HTR7: variants seen among roughly 807,000 people sequenced by gnomAD.
HTR7 encodes 5-hydroxytryptamine receptor 7, also known as 5-HT-7.
HTR7 carries 16 observed loss-of-function variants against 34.0 expected under a neutral mutation model. That is an observed-to-expected ratio of 0.47 (90% CI 0.32 to 0.71). HTR7 has a LOEUF of 0.71. HTR7 is among the 30% of genes least tolerant of loss of function. The pLI is 0.04. For missense variants in HTR7, 504 were observed against 625.5 expected, an observed-to-expected ratio of 0.81 and a Z score of 2.07; for synonymous variants, 265 against 260.2, an observed-to-expected ratio of 1.02 and a Z score of -0.18.
chr10:90,778,976 C>A (rs1387414488), intron 1 of HTR7, among the ~76,000 whole-genome samples: 4 of 152,144 alleles, frequency 2.6e-5, no homozygotes, highest in South Asian at 4.2e-4. Context: ...AGCTGGTGTA[C>A]CCCCATCAGG....
intron 1 of HTR7, among the ~76,000 whole-genome samples, chr10:90,790,761 T>C (rs1845449471): frequency 6.6e-6 from 1 of 152,146 alleles, no homozygotes; most frequent in South Asian, 2.1e-4. Flanking sequence ...CTGCCATTTG[T>C]AACTACTCAT....
chr10:90,742,543 G>A lies in HTR7; in HGVS notation c.1394-15C>T, dbSNP rs1304921810. The A allele has an allele frequency of 6.5e-7, 1 of 1,542,444 alleles. No individual in the cohort carries two copies. Among genetic ancestry groups the A allele is most frequent in the Non-Finnish European group, 8.9e-7 (1 of 1,128,032 alleles). On this transcript the variant is annotated splice_polypyrimidine_tract_variant and intron_variant, in intron 3 of 3. Coordinates refer to ENST00000336152, the MANE Select transcript of HTR7 (RefSeq NM_019859.4). ...CAGCATTTTGTCTAAAAAAAAGAGA[G>A]AGAAAAATAGAAAATAATTTAGTAG...
Position 90,749,640 on chromosome 10 carries a change from C to CT in HTR7, c.540-47dup. 1 of 1,547,428 alleles carries CT rather than the reference C, an allele frequency of 6.5e-7. No individual in the cohort carries two copies. Among genetic ancestry groups the CT allele is most frequent in the South Asian group, 1.2e-5 (1 of 80,566 alleles). On this transcript the variant is annotated intron_variant, in intron 1 of 3. Coordinates refer to ENST00000336152, the MANE Select transcript of HTR7 (RefSeq NM_019859.4). This position sits in a 1 kb window ranked among gnomAD's most constrained non-coding sequence, Gnocchi z 4.2. Reference sequence around the variant, plus strand: ...TAACAGATGAACACCGTGATCATAACTGGTCAACCAAGCAAGTCCTGCCAG... The same window carrying CT: ...TAACAGATGAACACCGTGATCATAACTTGGTCAACCAAGCAAGTCCTGCCAG...
chr10:90,750,589 T>G (rs1291243615), intron 1 of HTR7, among the ~76,000 whole-genome samples: 6 of 152,204 alleles, frequency 3.9e-5, no homozygotes, highest in Non-Finnish European at 5.9e-5. Flanking sequence ...TGTTGTTGTT[T>G]TTACTTCCTT....
At chr10:90,788,971 A>G (rs909803596) in intron 1 of HTR7, among the ~76,000 whole-genome samples, 6 of 152,060 alleles carry the variant, frequency 3.9e-5, no homozygotes, top group Non-Finnish European at 7.4e-5. Context: ...GGTCCTTCCT[A>G]TCTGCACCCC....
chr10:90,794,903 C>G (rs538759827), intron 1 of HTR7, among the ~76,000 whole-genome samples: 1 of 152,200 alleles, frequency 6.6e-6, no homozygotes, highest in African/African-American at 2.4e-5. Context: ...TGTGCTATGA[C>G]GTAAAGATGG....
intron 1 of HTR7, among the ~76,000 whole-genome samples, chr10:90,791,931 T>C (rs1002403846): frequency 1.3e-5 from 2 of 152,086 alleles, no homozygotes; most frequent in Non-Finnish European, 2.9e-5. Flanking sequence ...GTTTTCAGTA[T>C]ACTACAAAAA....
chr10:90,825,283 A>ATGAGT (rs1564695067), intron 1 of HTR7, among the ~76,000 whole-genome samples: 9 of 152,318 alleles, frequency 5.9e-5, no homozygotes, highest in African/African-American at 2.2e-4. Context: ...TTATACCTCT[A>ATGAGT]CAAGGCTGCC....
intron 1 of HTR7, among the ~76,000 whole-genome samples, chr10:90,828,158 A>C (rs1218044301): frequency 6.6e-6 from 1 of 152,236 alleles, no homozygotes; most frequent in Non-Finnish European, 1.5e-5. Context: ...AAATTTATCG[A>C]AACAAATGAT....
chr10:90,812,743 T>A (rs1320807764), intron 1 of HTR7, among the ~76,000 whole-genome samples: 1 of 151,770 alleles, frequency 6.6e-6, no homozygotes. Flanking sequence ...CCCCCAAAAA[T>A]TTTCGCCACC....
At chr10:90,803,349 C>A (rs376670095) in intron 1 of HTR7, among the ~76,000 whole-genome samples, 1 of 152,056 alleles carries the variant, frequency 6.6e-6, no homozygotes, top group Non-Finnish European at 1.5e-5. Context: ...TATTCACATG[C>A]GCAGTAGCCT....
At chr10:90,773,185 A>G (rs1845145591) in intron 1 of HTR7, among the ~76,000 whole-genome samples, 1 of 152,210 alleles carries the variant, frequency 6.6e-6, no homozygotes, top group Admixed American at 6.5e-5. Context: ...GGTCAAACTC[A>G]TACATTGACA....
At chr10:90,824,475 C>A (rs1199791870) in intron 1 of HTR7, among the ~76,000 whole-genome samples, 1 of 152,184 alleles carries the variant, frequency 6.6e-6, no homozygotes, top group Non-Finnish European at 1.5e-5. Context: ...GGGAGGGATT[C>A]CTTCTTGGGA....
rs775818261 is a variant in HTR7, at chr10:90,854,210, G to A, written c.539+2923C>T. On this transcript the variant is annotated intron_variant, in intron 1 of 3. Coordinates refer to ENST00000336152, the MANE Select transcript of HTR7 (RefSeq NM_019859.4). ...GTCTACTAAAATTCAAAAATTAGCC[G>A]GGTGTGGTGGCGTGCACCTGTAATC... Among the ~76,000 whole-genome samples the A allele has an allele frequency of 2.2e-4, 33 of 152,132 alleles. 2 individuals carry two copies. The highest frequency in any genetic ancestry group is 3.8e-4 in the Non-Finnish European group (26 of 68,038).
chr10:90,833,557 C>A (rs1458830422), intron 1 of HTR7, among the ~76,000 whole-genome samples: 1 of 152,176 alleles, frequency 6.6e-6, no homozygotes, highest in Non-Finnish European at 1.5e-5. Context: ...TAAATAGTAA[C>A]ATTTATTATT....
In HTR7 at chr10:90,750,886, A is replaced by G. The variant is rs186228684; in HGVS notation, c.540-1292T>C. 1.1e-4 allele frequency among the ~76,000 whole-genome samples: 16 copies of G among 152,334 alleles called. No homozygotes were observed. The East Asian group carries it at 3.1e-3, about 29-fold the overall frequency. On this transcript the variant is annotated intron_variant, in intron 1 of 3. Transcript: ENST00000336152. Reference sequence around the variant, plus strand: ...TACTTCTCTAGAATTCTTTCCTTCAATAAGTATTAATGGAGCTCATTTTAC... The same window carrying G: ...TACTTCTCTAGAATTCTTTCCTTCAGTAAGTATTAATGGAGCTCATTTTAC...
chr10:90,792,973 T>C (rs1001006935), intron 1 of HTR7, among the ~76,000 whole-genome samples: 3 of 152,046 alleles, frequency 2.0e-5, no homozygotes, highest in African/African-American at 7.2e-5. Flanking sequence ...AAAGAAAAGC[T>C]TCATAACATT....
intron 1 of HTR7, among the ~76,000 whole-genome samples, chr10:90,761,494 T>C (rs1844934094): frequency 6.6e-6 from 1 of 152,170 alleles, no homozygotes; most frequent in African/African-American, 2.4e-5. Flanking sequence ...TTCTGGATCT[T>C]TCCAGGCATG....
chr10:90,825,361 T>G (rs1386359834), intron 1 of HTR7, among the ~76,000 whole-genome samples: 1 of 152,198 alleles, frequency 6.6e-6, no homozygotes, highest in East Asian at 1.9e-4. Context: ...TTCAAATACC[T>G]GAAAAACCTT....
Sources: allele counts gnomAD v4.1 joint callset (sites outside exome capture counted in the v4.1 genomes callset), GRCh38; gene constraint gnomAD v4.1.1; non-coding constraint Gnocchi (gnomAD v3.1); transcripts MANE v1.5; gene names NCBI Gene and HGNC (gene_info 2026-07-23, HGNC 2026-07-21).